PXN: variants seen among roughly 807,000 people sequenced by gnomAD.
PXN encodes paxillin, also known as testicular tissue protein Li 134.
PXN carries 61 observed loss-of-function variants against 103.6 expected under a neutral mutation model. The ratio of observed to expected loss-of-function variants is 0.59; its 90% confidence interval spans 0.48 to 0.73. PXN has a LOEUF of 0.73. PXN is among the 30% of genes least tolerant of loss of function. PXN has a pLI of 0.00. For missense variants in PXN, 1,274 were observed against 1,460.3 expected, an observed-to-expected ratio of 0.87 and a Z score of 2.08; for synonymous variants, 562 against 607.8, an observed-to-expected ratio of 0.92 and a Z score of 1.11.
At chr12:120,223,503 G>A (rs1566389050) in intron 3 of PXN, among the ~76,000 whole-genome samples, 1 of 152,158 alleles carries the variant, frequency 6.6e-6, no homozygotes, top group South Asian at 2.1e-4. Flanking sequence ...TCAGCTACAC[G>A]GAGATGCTGT....
chr12:120,217,058 T>A lies in PXN; in HGVS notation c.1775A>T (p.Glu592Val). ...ESGHAHPMSR[E>V]PSPRRRLDPA... ...GTCCAGCCGGCGGCGAGGGGAGGGC[T>A]CCCGGGACATGGGGTGTGCGTGGCC... The change falls in exon 8 of 15, where the codon GAG becomes GTG. Residue 592 changes from glutamate (E) to valine (V), a missense_variant. Physicochemically the swap from Glu to Val is moderately radical, Grantham distance 121. This residue lies in a region of PXN where 1,178 missense variants were observed against 1,309.0 expected (regional missense o/e 0.90). Coordinates refer to ENST00000637617, the MANE Select transcript of PXN (RefSeq NM_001385981.1). The surrounding 1 kb of genome is among the most constrained non-coding windows in gnomAD (Gnocchi z 4.1). The A allele has an allele frequency of 6.3e-7, 1 of 1,591,406 alleles. No individual in the cohort carries two copies. The highest frequency in any genetic ancestry group is 1.1e-5 in the South Asian group (1 of 89,402).
chr12:120,234,500 C>G (rs1366003060), intron 1 of PXN, among the ~76,000 whole-genome samples: 1 of 152,190 alleles, frequency 6.6e-6, no homozygotes, highest in Admixed American at 6.5e-5. Flanking sequence ...CCACTGTCCA[C>G]ACATAAAACC....
At chr12:120,233,488 T>C (rs1888452591) in intron 1 of PXN, among the ~76,000 whole-genome samples, 1 of 152,126 alleles carries the variant, frequency 6.6e-6, no homozygotes, top group Non-Finnish European at 1.5e-5. Context: ...ATTTTCTTAG[T>C]AGAGTCGAAG....
In PXN at chr12:120,224,507, C is replaced by A; in HGVS notation, c.14-130G>T. ...CCTGCCCCACCCATGGGAGAAATGA[C>A]CAGCCTTGGGACAGGAAGCCACCAG... is the stretch of plus-strand genomic sequence containing the variant. On this transcript the variant is annotated intron_variant, in intron 1 of 14. Coordinates refer to ENST00000637617, the MANE Select transcript of PXN (RefSeq NM_001385981.1). The surrounding 1 kb of genome is among the most constrained non-coding windows in gnomAD (Gnocchi z 5.0). The A allele has an allele frequency of 1.3e-6, 1 of 795,348 alleles. No individual in the cohort carries two copies. The highest frequency in any genetic ancestry group is 2.2e-6 in the Non-Finnish European group (1 of 449,186). The allele number at this position is 795,348 out of a possible 1,614,324, so 49.3% of individuals were successfully genotyped here.
At position 120,222,301 on chromosome 12, in the gene PXN, A is replaced by G. The variant is rs1885412992; in HGVS notation, c.695+248T>C. Among the ~76,000 whole-genome samples, 1 of 152,214 alleles carries G rather than the reference A, an allele frequency of 6.6e-6. No homozygotes were observed. The highest frequency in any genetic ancestry group is 2.4e-5 in the African/African-American group (1 of 41,460). On this transcript the variant is annotated intron_variant, in intron 5 of 14. Coordinates refer to ENST00000637617, the MANE Select transcript of PXN (RefSeq NM_001385981.1). The surrounding 1 kb of genome is among the most constrained non-coding windows in gnomAD (Gnocchi z 4.7). ...GATGTGAACCCCACTGTGTGGCCCCAAAGCCTGTGCTAAGAGCTGCTAAGC... is the reference window on the plus strand; with the variant it reads ...GATGTGAACCCCACTGTGTGGCCCCGAAGCCTGTGCTAAGAGCTGCTAAGC...
intron 1 of PXN, among the ~76,000 whole-genome samples, chr12:120,263,449 C>A (rs1390493329): frequency 6.6e-6 from 1 of 152,182 alleles, no homozygotes; most frequent in African/African-American, 2.4e-5. Context: ...GGCAACCCCT[C>A]CTTCAAGTGC....
intron 1 of PXN, among the ~76,000 whole-genome samples, chr12:120,260,832 C>T (rs976397348): frequency 6.6e-6 from 1 of 152,064 alleles, no homozygotes; most frequent in Admixed American, 6.6e-5. Context: ...CGGGGCGTTA[C>T]GGCATATGCC....
Position 120,224,241 on chromosome 12 carries a change from G to C in PXN, c.150C>G (p.Pro50=). The change falls in exon 2 of 15, where the codon CCC becomes CCG. Residue 50 remains proline (P), a synonymous_variant. Coordinates refer to ENST00000637617, the MANE Select transcript of PXN (RefSeq NM_001385981.1). The surrounding 1 kb of genome is among the most constrained non-coding windows in gnomAD (Gnocchi z 5.0). ...YQEIAVPPPV[P]PPPSSEALNG... ...TGAGGGCCTCGCTGGACGGGGGTGG[G>C]GGGACGGGGGGTGGCACGGCAATCT... is the stretch of plus-strand genomic sequence containing the variant. 1.2e-6 allele frequency: 2 copies of C among 1,612,344 alleles called. No individual in the cohort carries two copies. Among genetic ancestry groups the C allele is most frequent in the Non-Finnish European group, 1.7e-6 (2 of 1,178,482 alleles).
intron 1 of PXN, among the ~76,000 whole-genome samples, chr12:120,254,888 A>G (rs1289028897): frequency 1.3e-5 from 2 of 152,168 alleles, no homozygotes; most frequent in Non-Finnish European, 2.9e-5. Flanking sequence ...GCACATGAAA[A>G]TATTTCCTCA....
At position 120,225,500 on chromosome 12, in the gene PXN, C is replaced by T. The variant is rs1033482450; in HGVS notation, c.14-1123G>A. 1.3e-5 allele frequency: 2 copies of T among 152,286 alleles called. No homozygotes were observed. Among genetic ancestry groups the T allele is most frequent in the Admixed American group, 6.5e-5 (1 of 15,284 alleles). 9.4% of individuals were successfully genotyped at this position (152,286 alleles called of 1,614,324 possible). A position where few individuals can be genotyped will look rare whatever the true frequency, so the allele number is the denominator to read the frequency against. On this transcript the variant is annotated intron_variant, in intron 1 of 14. Transcript: ENST00000637617. This position sits in a 1 kb window ranked among gnomAD's most constrained non-coding sequence, Gnocchi z 4.4. ...CAGCATGTACGAGGTCTCCGTTAAT[C>T]CCCCTAATACCCCCTGTAGCTGGAA...
chr12:120,212,568 G>T lies in PXN; in HGVS notation c.2992C>A (p.Pro998Thr). The part of the protein sequence containing the change: ...ECFVCRECFT[P>T]FVNGSFFEHD... ...TCGAAGAAGCTGCCGTTCACGAATG[G>T]CGTGAAGCATTCCTGCCAGGCGGAG... The change falls in exon 15 of 15, where the codon CCA becomes ACA. Residue 998 changes from proline (P) to threonine (T), a missense_variant. Coordinates refer to ENST00000637617, the MANE Select transcript of PXN (RefSeq NM_001385981.1). The surrounding 1 kb of genome is among the most constrained non-coding windows in gnomAD (Gnocchi z 7.2). The T allele has an allele frequency of 6.2e-7, 1 of 1,611,920 alleles. No homozygotes were observed. Among genetic ancestry groups the T allele is most frequent in the Non-Finnish European group, 8.5e-7 (1 of 1,178,506 alleles).
At chr12:120,232,185 C>G (rs568869621) in intron 1 of PXN, among the ~76,000 whole-genome samples, 2 of 152,292 alleles carry the variant, frequency 1.3e-5, no homozygotes, top group Admixed American at 1.3e-4. Flanking sequence ...CCACACTAGG[C>G]TTTTAAAAAC....
chr12:120,214,140 G>A lies in PXN; in HGVS notation c.2826C>T (p.Pro942=), dbSNP rs558454285. 4.5e-6 allele frequency: 7 copies of A among 1,552,784 alleles called. No homozygotes were observed. Among genetic ancestry groups the A allele is most frequent in the African/African-American group, 1.4e-5 (1 of 73,178 alleles). ...GTCCGCCGGTCCAGCCCGTACCTTC[G>A]GGACCAAAGAAGGCTCCACACTGTG... ...FCAQCGAFFG[P]EGFHEKDGKA... is the part of the protein sequence containing the mutation. The change falls in exon 13 of 15, where the codon CCC becomes CCT. Residue 942 remains proline (P), a synonymous_variant. Coordinates refer to ENST00000637617, the MANE Select transcript of PXN (RefSeq NM_001385981.1). This position sits in a 1 kb window ranked among gnomAD's most constrained non-coding sequence, Gnocchi z 5.0.
intron 1 of PXN, among the ~76,000 whole-genome samples, chr12:120,236,323 T>G (rs1566413454): frequency 6.6e-6 from 1 of 152,098 alleles, no homozygotes; most frequent in Non-Finnish European, 1.5e-5. Context: ...GATTTTTTTC[T>G]TTTTTTGAGA....
intron 7 of PXN, among the ~76,000 whole-genome samples, chr12:120,218,966 G>A (rs1044912562): frequency 6.6e-6 from 1 of 152,216 alleles, no homozygotes; most frequent in African/African-American, 2.4e-5. Flanking sequence ...AGAATGTCAA[G>A]GACAGCTCAT....
intron 1 of PXN, among the ~76,000 whole-genome samples, chr12:120,252,784 C>T (rs1283778191): frequency 6.6e-6 from 1 of 151,972 alleles, no homozygotes; most frequent in African/African-American, 2.4e-5. Context: ...TCCCATGAAG[C>T]CTGATCTGAT....
At chr12:120,262,368 G>A (rs1018150680) in intron 1 of PXN, among the ~76,000 whole-genome samples, 1 of 152,188 alleles carries the variant, frequency 6.6e-6, no homozygotes, top group Non-Finnish European at 1.5e-5. Flanking sequence ...GGCCCCTAGG[G>A]CAGAGATTGT....
chr12:120,239,928 T>C (rs77236458), intron 1 of PXN, among the ~76,000 whole-genome samples: 4 of 126,794 alleles, frequency 3.2e-5, no homozygotes, highest in South Asian at 2.4e-4. Flanking sequence ...TCTAGCTCCC[T>C]TTTTTTTTTT....
At position 120,258,086 on chromosome 12, in the gene PXN, C is replaced by T. The variant is rs547723746; in HGVS notation, c.13+7531G>A. ...CGCACGCCCATAATCCTAGCTACTG[C>T]GGAGGCTGAGGCACAAGAATCACTT... On this transcript the variant is annotated intron_variant, in intron 1 of 14. Transcript: ENST00000637617. Among the ~76,000 whole-genome samples, 40 of 151,666 alleles carry T rather than the reference C, an allele frequency of 2.6e-4. No homozygotes were observed. In the Middle Eastern group the frequency reaches 0.024, roughly 90 times the overall value.
Sources: allele counts gnomAD v4.1 joint callset (sites outside exome capture counted in the v4.1 genomes callset), GRCh38; gene constraint gnomAD v4.1.1; regional missense constraint gnomAD v4.1.1; non-coding constraint Gnocchi (gnomAD v3.1); transcripts MANE v1.5; gene names NCBI Gene and HGNC (gene_info 2026-07-23, HGNC 2026-07-21).